DPP10: variants seen among roughly 807,000 people sequenced by gnomAD.
The protein encoded by DPP10 is inactive dipeptidyl peptidase 10.
Under a neutral mutation model 120.9 loss-of-function variants are expected in DPP10, and 33 were observed. The observed-to-expected ratio is 0.27, with a 90% CI of 0.21 to 0.37. The LOEUF is 0.37. Among genes scored for constraint, DPP10 ranks in the 10% least tolerant of loss-of-function variants. The pLI is 1.00. For synonymous variants in DPP10, 337 were observed against 326.1 expected (o/e 1.03, Z -0.36); for missense variants, 816 against 942.8 (o/e 0.87, Z 1.76).
At chr2:114,509,062 A>T (rs1488602456) in intron 1 of DPP10, among the ~76,000 whole-genome samples, 1 of 152,128 alleles carries the variant, frequency 6.6e-6, no homozygotes, top group East Asian at 1.9e-4. Context: ...AACTGCAGAT[A>T]AGCAATGAAA....
intron 1 of DPP10, among the ~76,000 whole-genome samples, chr2:114,526,243 A>G (rs932136136): frequency 6.6e-6 from 1 of 152,196 alleles, no homozygotes; most frequent in Non-Finnish European, 1.5e-5. Flanking sequence ...GTTGTGTGCA[A>G]TCACCAACAC....
rs1690475458 is a variant in DPP10 at position 115,844,694 on chromosome 2, A to C, written c.*2349A>C. Reference sequence around the variant, plus strand: ...TTCATACATATTTATGCATTGCTAGATTTTCCTAGGACTCCAATAGCATGC... The same window carrying C: ...TTCATACATATTTATGCATTGCTAGCTTTTCCTAGGACTCCAATAGCATGC... On this transcript the variant is annotated 3_prime_UTR_variant, in exon 26 of 26. Coordinates refer to ENST00000410059, the MANE Select transcript of DPP10 (RefSeq NM_020868.6). The C allele has an allele frequency of 6.6e-6, 1 of 152,102 alleles. No individual in the cohort carries two copies. The highest frequency in any genetic ancestry group is 6.5e-5 in the Admixed American group (1 of 15,268). The allele number at this position is 152,102 out of a possible 1,614,324, so 9.4% of individuals were successfully genotyped here. A position where few individuals can be genotyped will look rare whatever the true frequency, so the allele number is the denominator to read the frequency against.
intron 1 of DPP10, among the ~76,000 whole-genome samples, chr2:114,981,558 T>C (rs576233323): frequency 6.6e-6 from 1 of 152,240 alleles, no homozygotes; most frequent in South Asian, 2.1e-4. Flanking sequence ...ACTGAGTGGC[T>C]AAGTGAGACC....
intron 1 of DPP10, among the ~76,000 whole-genome samples, chr2:115,233,618 A>G (rs893258404): frequency 4.6e-5 from 7 of 152,244 alleles, no homozygotes; most frequent in African/African-American, 1.4e-4. Flanking sequence ...GATCCATTGG[A>G]TAGTTTTTCT....
At chr2:115,731,207 A>C (rs2149655327) in intron 8 of DPP10, among the ~76,000 whole-genome samples, 1 of 152,134 alleles carries the variant, frequency 6.6e-6, no homozygotes, top group East Asian at 1.9e-4. Flanking sequence ...AAAATACAAA[A>C]ATTAGCTGGG....
chr2:114,591,341 T>C (rs1463238195), intron 1 of DPP10, among the ~76,000 whole-genome samples: 1 of 152,174 alleles, frequency 6.6e-6, no homozygotes, highest in Admixed American at 6.5e-5. Context: ...CAGACAGTAG[T>C]AAAGCAAAGT....
At chr2:115,731,809 C>T (rs903459521) in intron 8 of DPP10, among the ~76,000 whole-genome samples, 1 of 152,182 alleles carries the variant, frequency 6.6e-6, no homozygotes, top group Admixed American at 6.5e-5. Flanking sequence ...ATCCTCACTG[C>T]ATTTCCAGGA....
chr2:115,583,382 G>A (rs1351119865), intron 5 of DPP10, among the ~76,000 whole-genome samples: 15 of 152,136 alleles, frequency 9.9e-5, no homozygotes, highest in Admixed American at 4.6e-4. Context: ...GGATATTAAC[G>A]GAGATTGCTT....
chr2:115,673,773 A>T (rs2090077170), intron 5 of DPP10, among the ~76,000 whole-genome samples: 1 of 152,246 alleles, frequency 6.6e-6, no homozygotes, highest in African/African-American at 2.4e-5. Context: ...ATTGTAAAAC[A>T]TCTGTTGAGA....
intron 3 of DPP10, among the ~76,000 whole-genome samples, chr2:115,380,347 A>C (rs771512766): frequency 1.6e-4 from 24 of 152,172 alleles, no homozygotes; most frequent in East Asian, 5.8e-4. Flanking sequence ...GGTTTAAAGT[A>C]TGTTTTATCA....
chr2:115,158,638 A>G (rs532342893), intron 1 of DPP10, among the ~76,000 whole-genome samples: 5 of 152,250 alleles, frequency 3.3e-5, no homozygotes, highest in Admixed American at 6.5e-5. Context: ...TGATCTCTCC[A>G]GTTCCTTTTC....
At chr2:115,092,924 G>T (rs1021334362) in intron 1 of DPP10, among the ~76,000 whole-genome samples, 3 of 152,120 alleles carry the variant, frequency 2.0e-5, no homozygotes, top group Admixed American at 6.6e-5. Flanking sequence ...AGCAGTAAAA[G>T]AAATTAAAGC....
intron 5 of DPP10, among the ~76,000 whole-genome samples, chr2:115,677,482 C>T (rs1305446943): frequency 6.6e-6 from 1 of 152,020 alleles, no homozygotes; most frequent in Non-Finnish European, 1.5e-5. Context: ...TACAGAATGG[C>T]TGAATCGATT....
At chr2:115,721,042 C>T (rs946750033) in intron 7 of DPP10, among the ~76,000 whole-genome samples, 17 of 152,210 alleles carry the variant, frequency 1.1e-4, no homozygotes, top group South Asian at 4.1e-4. Flanking sequence ...TAAAAAGAGC[C>T]GCAGTGATTG....
At chr2:115,593,360 C>A (rs921463806) in intron 5 of DPP10, among the ~76,000 whole-genome samples, 10 of 152,302 alleles carry the variant, frequency 6.6e-5, no homozygotes, top group Middle Eastern at 3.4e-3. Context: ...GGCAACCTGA[C>A]AGATTCTTCT....
intron 5 of DPP10, among the ~76,000 whole-genome samples, chr2:115,640,083 G>T: frequency 6.6e-6 from 1 of 151,820 alleles, no homozygotes; most frequent in African/African-American, 2.4e-5. Context: ...ACTCCAAAGT[G>T]TACCCTTTGA....
chr2:114,615,367 T>C (rs886575377), intron 1 of DPP10, among the ~76,000 whole-genome samples: 3 of 152,152 alleles, frequency 2.0e-5, no homozygotes, highest in Admixed American at 6.6e-5. Context: ...TTAGACTCCC[T>C]GAGCTCTTGC....
intron 1 of DPP10, among the ~76,000 whole-genome samples, chr2:114,455,156 T>TTG (rs141717813): frequency 0.23 from 33,591 of 147,274 alleles, 3,742 homozygotes; most frequent in South Asian, 0.32. Flanking sequence ...TTTCTTTCTA[T>TTG]TGTGTGTGTG....
intron 1 of DPP10, among the ~76,000 whole-genome samples, chr2:114,500,196 A>C (rs1400011396): frequency 2.6e-5 from 4 of 152,252 alleles, no homozygotes; most frequent in Admixed American, 2.6e-4. Context: ...AGCCTGCCAC[A>C]CAGTAGCCAT....
Sources: allele counts gnomAD v4.1 joint callset (sites outside exome capture counted in the v4.1 genomes callset), GRCh38; gene constraint gnomAD v4.1.1; transcripts MANE v1.5; gene names NCBI Gene and HGNC (gene_info 2026-07-23, HGNC 2026-07-21).